Variants in LAMA4 observed in about 807,000 individuals in gnomAD.
LAMA4 encodes laminin subunit alpha 4.
A neutral mutation model predicts 207.1 loss-of-function variants in LAMA4; 127 were observed. That is an observed-to-expected ratio of 0.61 (90% CI 0.53 to 0.71). The LOEUF (loss-of-function observed/expected upper bound fraction) is 0.71. Ranked by LOEUF, LAMA4 falls within the 30% of genes least tolerant of loss-of-function variation. The pLI is 0.00. For synonymous variants in LAMA4, 761 were observed against 816.0 expected (o/e 0.93, Z 1.15); for missense variants, 2,093 against 2,246.5 (o/e 0.93, Z 1.38).
chr6:112,253,691 A>G (rs782549411), intron 2 of LAMA4: 1 of 1,545,876 alleles, frequency 6.5e-7, no homozygotes, highest in Non-Finnish European at 8.9e-7. Context: ...GTGAGAGTCT[A>G]GCGGATGAAC....
intron 14 of LAMA4, among the ~76,000 whole-genome samples, chr6:112,157,466 C>A (rs1554337275): frequency 6.6e-6 from 1 of 152,172 alleles, no homozygotes; most frequent in African/African-American, 2.4e-5. Context: ...GAAGGATACT[C>A]ACCTTTTGAA....
chr6:112,172,376 G>A, intron 12 of LAMA4: 1 of 507,410 alleles, frequency 2.0e-6, no homozygotes, highest in Non-Finnish European at 3.5e-6. Flanking sequence ...ATGGACACAA[G>A]CATCAGAACT....
chr6:112,221,503 C>T (rs1373665799), intron 2 of LAMA4, among the ~76,000 whole-genome samples: 1 of 152,158 alleles, frequency 6.6e-6, no homozygotes, highest in Non-Finnish European at 1.5e-5. Context: ...TCATTGCTAC[C>T]ATCCAAATTA....
chr6:112,168,421 C>T (rs896765110), intron 12 of LAMA4, among the ~76,000 whole-genome samples: 1 of 147,616 alleles, frequency 6.8e-6, no homozygotes, highest in African/African-American at 2.5e-5. Context: ...TCTTAGCTCA[C>T]TGCAACCGCT....
At chr6:112,205,476 G>T (rs1008313233) in intron 4 of LAMA4, among the ~76,000 whole-genome samples, 1 of 152,140 alleles carries the variant, frequency 6.6e-6, no homozygotes, top group African/African-American at 2.4e-5. Context: ...GATCTAGGGA[G>T]AAAGTAACTT....
chr6:112,231,843 T>A (rs1266032838), intron 2 of LAMA4, among the ~76,000 whole-genome samples: 1 of 152,312 alleles, frequency 6.6e-6, no homozygotes, highest in East Asian at 1.9e-4. Flanking sequence ...AACACCTTCA[T>A]CCTTCAACAC....
chr6:112,177,618 A>T (rs1388376659), intron 10 of LAMA4, among the ~76,000 whole-genome samples: 1 of 152,214 alleles, frequency 6.6e-6, no homozygotes, highest in African/African-American at 2.4e-5. Context: ...GCTTTAGGAC[A>T]AAGAAATCTC....
intron 23 of LAMA4, 40 bp downstream of exon 23, chr6:112,139,712 A>G: frequency 6.2e-7 from 1 of 1,608,782 alleles, no homozygotes; most frequent in Non-Finnish European, 8.5e-7. Context: ...CTGCTCTTGC[A>G]TGAATATCCA....
chr6:112,247,494 T>G (rs1554188895), intron 2 of LAMA4, among the ~76,000 whole-genome samples: 1 of 152,216 alleles, frequency 6.6e-6, no homozygotes, highest in Non-Finnish European at 1.5e-5. Flanking sequence ...TGAATCCAAA[T>G]TCTGTCTTCT....
intron 25 of LAMA4, among the ~76,000 whole-genome samples, chr6:112,134,875 T>C (rs1779242446): frequency 6.6e-6 from 1 of 152,014 alleles, no homozygotes. Context: ...TTAGACCTAT[T>C]GTTTCCTCCT....
At chr6:112,160,447 C>G (rs201770412) in intron 13 of LAMA4, among the ~76,000 whole-genome samples, 1 of 80,098 alleles carries the variant, frequency 1.2e-5, no homozygotes, top group Non-Finnish European at 2.8e-5. Flanking sequence ...AAAAACAAAA[C>G]AAACAAACAA....
At chr6:112,169,113 G>A (rs1554341013) in intron 12 of LAMA4, among the ~76,000 whole-genome samples, 1 of 152,166 alleles carries the variant, frequency 6.6e-6, no homozygotes, top group African/African-American at 2.4e-5. Flanking sequence ...TTTGATGAAG[G>A]TTGGTTACAT....
chr6:112,178,071 A>T, intron 10 of LAMA4, 50 bp downstream of exon 10: 1 of 1,282,856 alleles, frequency 7.8e-7, no homozygotes, highest in Non-Finnish European at 1.1e-6. Flanking sequence ...GATGTTAATA[A>T]CATAAGTGTT....
intron 5 of LAMA4, 140 bp downstream of exon 5, chr6:112,201,468 G>T: frequency 1.2e-6 from 1 of 802,470 alleles, no homozygotes; most frequent in Non-Finnish European, 2.2e-6. Context: ...TCCCTAAGGG[G>T]TTTTGAAATG....
chr6:112,150,655 T>A (rs782275190), intron 16 of LAMA4, 28 bp from the exon 17 acceptor site: 1 of 1,515,814 alleles, frequency 6.6e-7, no homozygotes, highest in African/African-American at 1.4e-5. Flanking sequence ...AAAGAAGTAC[T>A]AGTGGAGCCA....
chr6:112,146,359 A>G (rs901202836), intron 18 of LAMA4, among the ~76,000 whole-genome samples: 7 of 152,088 alleles, frequency 4.6e-5, no homozygotes, highest in African/African-American at 1.4e-4. Flanking sequence ...AGAATGGCAT[A>G]AATTTTTCCA....
At chr6:112,225,646 T>C (rs1785170705) in intron 2 of LAMA4, among the ~76,000 whole-genome samples, 1 of 152,192 alleles carries the variant, frequency 6.6e-6, no homozygotes, top group Non-Finnish European at 1.5e-5. Flanking sequence ...ATAAACTTAC[T>C]CTCTAAACTG....
chr6:112,135,972 T>G, intron 25 of LAMA4, 151 bp downstream of exon 25: 12 of 674,364 alleles, frequency 1.8e-5, no homozygotes, highest in Non-Finnish European at 2.9e-5. Flanking sequence ...TTCCTAGGGT[T>G]GAGAAGATGA....
rs994947012 is a variant in LAMA4 at position 112,254,256 on chromosome 6, G to C, written c.-106C>G. ...GCCTCGCTTATTTTCCCTCCTCTCC[G>C]TGTGCAGTATCCCGAGGTGGCTGCG... On this transcript the variant is annotated 5_prime_UTR_variant, in exon 2 of 39. Transcript: ENST00000230538. 7.0e-7 allele frequency: 1 copy of C among 1,428,672 alleles called. No homozygotes were observed. The highest frequency in any genetic ancestry group is 9.7e-7 in the Non-Finnish European group (1 of 1,027,016). The allele number at this position is 1,428,672 out of a possible 1,614,324, so 88.5% of individuals were successfully genotyped here.
Sources: allele counts gnomAD v4.1 joint callset (sites outside exome capture counted in the v4.1 genomes callset), GRCh38; gene constraint gnomAD v4.1.1; transcripts MANE v1.5; gene names NCBI Gene and HGNC (gene_info 2026-07-23, HGNC 2026-07-21).